The following DNAH9 variants were observed in gnomAD, a reference collection of about 807,000 sequenced individuals.
DNAH9 encodes dynein axonemal heavy chain 9, also known as DNAH9 variant protein.
DNAH9 carries 345 observed loss-of-function variants against 471.6 expected under a neutral mutation model. That is an observed-to-expected ratio of 0.73 (90% CI 0.67 to 0.80). The LOEUF (loss-of-function observed/expected upper bound fraction) is 0.80, where lower values mean the gene tolerates loss of function less well. Among genes scored for constraint, DNAH9 ranks in the 30% least tolerant of loss-of-function variants. The probability of loss-of-function intolerance (pLI) is 0.00; values close to 1 mark genes in which losing one functional copy is unlikely to be tolerated. For missense variants in DNAH9, 5,407 were observed against 5,609.2 expected (o/e 0.96, Z 1.15); for synonymous variants, 2,093 against 2,123.6 (o/e 0.99, Z 0.40).
Position 11,719,433 on chromosome 17 carries a change from C to T in DNAH9, c.5652C>T (p.Gly1884=), listed in dbSNP as rs755598216. 5 of 1,613,874 alleles carry T rather than the reference C, an allele frequency of 3.1e-6. No homozygotes were observed. Among genetic ancestry groups the T allele is most frequent in the Non-Finnish European group, 4.2e-6 (5 of 1,179,970 alleles). ...AGACCGAGACCACCAAGGACCTGGG[C>T]CGCGCACTGGGCATCCTGGTCTATG... is the stretch of plus-strand genomic sequence containing the variant. The part of the protein sequence containing the change: ...TGKTETTKDL[G]RALGILVYVF... Residue 1884 remains glycine (G), a synonymous_variant, in exon 27 of 69, where the codon GGC becomes GGT. Transcript: ENST00000262442.
intron 15 of DNAH9, among the ~76,000 whole-genome samples, chr17:11,666,807 G>T: frequency 6.6e-6 from 1 of 152,188 alleles, no homozygotes; most frequent in East Asian, 1.9e-4. Context: ...CACCAAACTG[G>T]AACACTCACC....
At chr17:11,846,384 C>G (rs1971225363) in intron 49 of DNAH9, among the ~76,000 whole-genome samples, 1 of 151,166 alleles carries the variant, frequency 6.6e-6, no homozygotes, top group Non-Finnish European at 1.5e-5. Context: ...GTACCAGTAC[C>G]ATGCTGTTTT....
chr17:11,728,540 C>A (rs8073058), intron 28 of DNAH9, among the ~76,000 whole-genome samples: 2,328 of 8,494 alleles, frequency 0.27, 330 homozygotes, highest in Middle Eastern at 0.5. Context: ...AAAAAAAAAA[C>A]AAAAAAAACT....
chr17:11,712,593 G>A (rs528949936), intron 26 of DNAH9, among the ~76,000 whole-genome samples: 15 of 152,028 alleles, frequency 9.9e-5, no homozygotes, highest in East Asian at 1.9e-4. Context: ...ACTATTGTCC[G>A]TTTTATTTCT....
chr17:11,779,057 A>G (rs1015215714), intron 38 of DNAH9, among the ~76,000 whole-genome samples: 2 of 152,122 alleles, frequency 1.3e-5, no homozygotes, highest in Admixed American at 6.5e-5. Context: ...ATGGCAGTGC[A>G]ATAGTATCCA....
In DNAH9 at chr17:11,938,294, C is replaced by T. The variant is rs546179665; in HGVS notation, c.12660+772C>T. Among the ~76,000 whole-genome samples, 6 of 152,066 alleles carry T rather than the reference C, an allele frequency of 3.9e-5. No homozygotes were observed. The South Asian group carries it at 1.2e-3, about 32-fold the overall frequency. ...CCAACATGGTGAAACCCCATCTCTACTAAAAAATACAAAAATTAGCCGGGT... is the reference window on the plus strand; with the variant it reads ...CCAACATGGTGAAACCCCATCTCTATTAAAAAATACAAAAATTAGCCGGGT... On this transcript the variant is annotated intron_variant, in intron 66 of 68. Coordinates refer to ENST00000262442, the MANE Select transcript of DNAH9 (RefSeq NM_001372.4).
chr17:11,606,600 C>T (rs1021271260), intron 1 of DNAH9, among the ~76,000 whole-genome samples: 1 of 151,850 alleles, frequency 6.6e-6, no homozygotes. Context: ...CAGGCACGTG[C>T]CACCACACTC....
At position 11,669,784 on chromosome 17, in the gene DNAH9, G is replaced by A. The variant is rs143003954; in HGVS notation, c.3343G>A (p.Val1115Ile). Residue 1115 changes from valine (V) to isoleucine (I), a missense_variant, in exon 17 of 69, where the codon GTC becomes ATC. This residue lies in a region of DNAH9 where 4,636 missense variants were observed against 4,900.3 expected (regional missense o/e 0.95). Transcript: ENST00000262442. Reference protein sequence around the residue: ...LLFKQHLVDHVTHSLANLDAF... With the variant: ...LLFKQHLVDHITHSLANLDAF... ...GTTCAAACAGCATCTTGTGGACCAC[G>A]TCACTCACAGGTACAACAGTTGTTT... The A allele has an allele frequency of 2.0e-5, 32 of 1,613,400 alleles. No individual in the cohort carries two copies. The highest frequency in any genetic ancestry group is 7.7e-5 in the South Asian group (7 of 91,072).
chr17:11,900,265 G>A (rs1371904563), intron 59 of DNAH9, among the ~76,000 whole-genome samples: 2 of 152,048 alleles, frequency 1.3e-5, no homozygotes, highest in African/African-American at 4.8e-5. Context: ...TGCTGTAAGT[G>A]ATCAGGGTGA....
intron 26 of DNAH9, among the ~76,000 whole-genome samples, chr17:11,711,503 A>G (rs2074826861): frequency 6.6e-6 from 1 of 152,024 alleles, no homozygotes; most frequent in Non-Finnish European, 1.5e-5. Context: ...CTGTTCCATC[A>G]GTCTATCAGT....
At chr17:11,840,582 A>G (rs1970999458) in intron 49 of DNAH9, among the ~76,000 whole-genome samples, 1 of 152,150 alleles carries the variant, frequency 6.6e-6, no homozygotes, top group South Asian at 2.1e-4. Context: ...TCCACATCCT[A>G]ATCTCTGAAG....
chr17:11,666,107 A>G (rs1276995397), intron 15 of DNAH9, among the ~76,000 whole-genome samples: 2 of 152,196 alleles, frequency 1.3e-5, no homozygotes, highest in Non-Finnish European at 2.9e-5. Context: ...GGAGCCTGGG[A>G]GCAACAAGCC....
intron 43 of DNAH9, 149 bp from the exon 44 acceptor site, chr17:11,807,583 G>T (rs1163992458): frequency 2.4e-6 from 2 of 848,014 alleles, no homozygotes; most frequent in Non-Finnish European, 3.6e-6. Flanking sequence ...GGTGAGGCCA[G>T]GTTTAGGGAC....
chr17:11,679,823 A>T lies in DNAH9; in HGVS notation c.3420A>T (p.Gly1140=). ...GCTTACTCAAGAAAGTTGAAAAAGG[A>T]GATTTCCAAGGCTTGGTTGAGATCA... ...ESGLLKKVEK[G]DFQGLVEIMG... is the part of the protein sequence containing the mutation. Residue 1140 remains glycine, a synonymous_variant, in exon 18 of 69, where the codon GGA becomes GGT. Coordinates refer to ENST00000262442, the MANE Select transcript of DNAH9 (RefSeq NM_001372.4). 1 of 1,614,144 alleles carries T rather than the reference A, an allele frequency of 6.2e-7. No homozygotes were observed. The highest frequency in any genetic ancestry group is 8.5e-7 in the Non-Finnish European group (1 of 1,180,016).
chr17:11,881,627 G>A (rs1254657853), intron 55 of DNAH9, among the ~76,000 whole-genome samples: 2 of 152,186 alleles, frequency 1.3e-5, no homozygotes, highest in African/African-American at 4.8e-5. Context: ...ACAGTTTGAA[G>A]GCCGGGCATG....
chr17:11,679,443 G>A (rs548652870), intron 17 of DNAH9, among the ~76,000 whole-genome samples: 5 of 152,296 alleles, frequency 3.3e-5, no homozygotes, highest in South Asian at 2.1e-4. Context: ...TTTTGAGTGC[G>A]CTCAGAGAAC....
intron 32 of DNAH9, among the ~76,000 whole-genome samples, chr17:11,749,963 C>T (rs907420881): frequency 6.6e-6 from 1 of 152,048 alleles, no homozygotes; most frequent in Admixed American, 6.6e-5. Flanking sequence ...TCAAGCACTT[C>T]TTTTTTCATA....
At chr17:11,754,806 T>A (rs990129545) in intron 33 of DNAH9, among the ~76,000 whole-genome samples, 4 of 152,242 alleles carry the variant, frequency 2.6e-5, no homozygotes, top group African/African-American at 9.6e-5. Context: ...GATCATTTCT[T>A]TTGCTGTCAG....
intron 48 of DNAH9, among the ~76,000 whole-genome samples, chr17:11,830,935 A>T (rs1055074241): frequency 1.3e-5 from 2 of 152,188 alleles, no homozygotes; most frequent in African/African-American, 4.8e-5. Context: ...TTTGGAAGGG[A>T]GAGTTCTCCA....
Sources: gnomAD v4.1 joint callset for allele counts (sites outside exome capture counted in the v4.1 genomes callset) on GRCh38, gnomAD v4.1.1 for gene constraint, gnomAD v4.1.1 regional missense constraint, MANE v1.5 for transcripts, NCBI Gene and HGNC (gene_info 2026-07-23, HGNC 2026-07-21) for gene names.